IRAK3: variants seen among roughly 807,000 people sequenced by gnomAD.
IRAK3 encodes the protein interleukin-1 receptor-associated kinase 3.
In IRAK3, 57 loss-of-function variants were observed where a neutral mutation model predicts 56.6. The ratio of observed to expected loss-of-function variants is 1.01; its 90% CI spans 0.81 to 1.26. The LOEUF (loss-of-function observed/expected upper bound fraction) is 1.26, where lower values mean the gene tolerates loss of function less well. Among genes scored for constraint, IRAK3 ranks in the 50% most tolerant of loss-of-function variants. IRAK3 has a pLI of 0.00. For synonymous variants in IRAK3, 258 were observed against 255.7 expected, an observed-to-expected ratio of 1.01 and a Z score of -0.09; for missense variants, 703 against 719.0, an observed-to-expected ratio of 0.98 and a Z score of 0.25.
At chr12:66,197,701 G>T (rs12318720) in intron 1 of IRAK3, 2 of 985,368 alleles carry the variant, frequency 2.0e-6, no homozygotes, top group Non-Finnish European at 2.4e-6. Flanking sequence ...GCTTTCCTTA[G>T]ATGTGATGCA....
intron 8 of IRAK3, among the ~76,000 whole-genome samples, chr12:66,237,432 A>AAAAAAG (rs1383810617): frequency 1.4e-4 from 22 of 152,282 alleles, no homozygotes; most frequent in African/African-American, 5.1e-4. Flanking sequence ...TTATCTATAT[A>AAAAAAG]CAGCTAAAGA....
intron 6 of IRAK3, among the ~76,000 whole-genome samples, chr12:66,223,923 C>G (rs1276781429): frequency 6.6e-6 from 1 of 151,666 alleles, no homozygotes; most frequent in Non-Finnish European, 1.5e-5. Context: ...TTCATGGTTT[C>G]ATTTTTTACA....
intron 2 of IRAK3, among the ~76,000 whole-genome samples, chr12:66,205,695 T>C (rs1169819305): frequency 6.6e-6 from 1 of 152,222 alleles, no homozygotes; most frequent in Non-Finnish European, 1.5e-5. Flanking sequence ...TAATCAGTTA[T>C]TGCCCACCTT....
chr12:66,198,456 G>C (rs946691501), intron 1 of IRAK3, among the ~76,000 whole-genome samples: 8 of 152,054 alleles, frequency 5.3e-5, no homozygotes, highest in Non-Finnish European at 7.4e-5. Context: ...CTTTAGCCTA[G>C]TTAAACCTTA....
At chr12:66,233,623 CTAGT>C (rs2052869005) in intron 8 of IRAK3, among the ~76,000 whole-genome samples, 1 of 151,454 alleles carries the variant, frequency 6.6e-6, no homozygotes, top group Non-Finnish European at 1.5e-5. Context: ...TGAAGTCGGA[CTAGT>C]TAAACTTCAG....
At position 66,189,390 on chromosome 12, in the gene IRAK3, G is replaced by A; in HGVS notation, c.91G>A (p.Val31Ile). Residue 31 changes from valine to isoleucine, a missense_variant, in exon 1 of 12, where the codon GTT (valine) becomes ATT (isoleucine). By Grantham distance (29) the Val-to-Ile change is conservative. Transcript: ENST00000261233. ...CGCGCTGCTCGGAGAGCTCTGCGCT[G>A]TTCTGGACAGCTGCGACGGCGCGCT... Reference protein sequence around the residue: ...PPALLGELCAVLDSCDGALGW... With the variant: ...PPALLGELCAILDSCDGALGW... 6.7e-7 allele frequency: 1 copy of A among 1,496,346 alleles called. No homozygotes were observed. Among genetic ancestry groups the A allele is most frequent in the Non-Finnish European group, 8.9e-7 (1 of 1,126,454 alleles). 92.7% of individuals were successfully genotyped at this position (1,496,346 alleles called of 1,614,324 possible).
At chr12:66,226,169 A>T (rs1361006316) in intron 6 of IRAK3, among the ~76,000 whole-genome samples, 2 of 152,030 alleles carry the variant, frequency 1.3e-5, no homozygotes, top group Non-Finnish European at 2.9e-5. Flanking sequence ...TTTCTGCCTT[A>T]TATTTGGATG....
chr12:66,208,983 C>T (rs1441970698), intron 2 of IRAK3, among the ~76,000 whole-genome samples: 1 of 150,204 alleles, frequency 6.7e-6, no homozygotes, highest in Non-Finnish European at 1.5e-5. Context: ...AGGAGAATCA[C>T]TTGACATTCT....
chr12:66,227,502 C>G (rs1418699231), intron 7 of IRAK3, among the ~76,000 whole-genome samples: 1 of 152,140 alleles, frequency 6.6e-6, no homozygotes, highest in Non-Finnish European at 1.5e-5. Flanking sequence ...TCACTTGAAC[C>G]TTGGAGACGG....
rs1254271624 is a variant in IRAK3, at chr12:66,249,746, C to T, written c.*1575C>T. On this transcript the variant is annotated 3_prime_UTR_variant, in exon 12 of 12. Coordinates refer to ENST00000261233, the MANE Select transcript of IRAK3 (RefSeq NM_007199.3). ...GATCTCCCTCTCTCTGTCTGTCTCA[C>T]CGCATCTCTTCACTACCCTCTTCCT... 1.5e-4 allele frequency: 1 copy of T among 6,790 alleles called. No individual in the cohort carries two copies. The highest frequency in any genetic ancestry group is 1.6e-4 in the African/African-American group (1 of 6,340). 0.4% of individuals were successfully genotyped at this position (6,790 alleles called of 1,614,324 possible).
intron 1 of IRAK3, among the ~76,000 whole-genome samples, chr12:66,196,055 TTATG>T (rs565731972): frequency 3.8e-4 from 57 of 151,994 alleles, no homozygotes; most frequent in Non-Finnish European, 6.6e-4. Context: ...CTCACATACT[TTATG>T]TATGTAAGTA....
At chr12:66,245,779 G>T (rs188452148) in intron 11 of IRAK3, among the ~76,000 whole-genome samples, 1 of 151,968 alleles carries the variant, frequency 6.6e-6, no homozygotes, top group African/African-American at 2.4e-5. Flanking sequence ...TGATCCACCC[G>T]CCTTGGCCTC....
intron 2 of IRAK3, among the ~76,000 whole-genome samples, chr12:66,208,425 A>G (rs1189328946): frequency 2.0e-5 from 3 of 152,182 alleles, no homozygotes; most frequent in Non-Finnish European, 4.4e-5. Context: ...CCAGGAAGAT[A>G]TAATATCATA....
At chr12:66,230,251 G>A (rs551867828) in intron 8 of IRAK3, among the ~76,000 whole-genome samples, 17 of 152,308 alleles carry the variant, frequency 1.1e-4, no homozygotes, top group African/African-American at 4.1e-4. Context: ...CTGTTGGTTC[G>A]TGTCTTCAGG....
chr12:66,193,002 T>A (rs2052413486), intron 1 of IRAK3, among the ~76,000 whole-genome samples: 1 of 152,164 alleles, frequency 6.6e-6, no homozygotes. Flanking sequence ...TGTGTTTTTT[T>A]ATGTTATTAT....
chr12:66,200,639 T>C (rs1025530768), intron 1 of IRAK3, among the ~76,000 whole-genome samples: 75 of 152,300 alleles, frequency 4.9e-4, no homozygotes, highest in African/African-American at 1.6e-3. Flanking sequence ...GAGCATAAAG[T>C]TGAGGTAAAT....
chr12:66,189,525 G>C, intron 1 of IRAK3, 93 bp downstream of exon 1: 1 of 895,784 alleles, frequency 1.1e-6, no homozygotes, highest in Non-Finnish European at 1.4e-6. Flanking sequence ...GGTCCCTCGC[G>C]GGGCTGGCGC....
In IRAK3 at chr12:66,249,016, C is replaced by T. The variant is rs1036650412; in HGVS notation, c.*845C>T. The T allele has an allele frequency of 3.9e-5, 6 of 152,324 alleles. No homozygotes were observed. In the South Asian group the frequency reaches 8.3e-4, roughly 21 times the overall value. The allele number at this position is 152,324 out of a possible 1,614,324, so 9.4% of individuals were successfully genotyped here. ...CTCCCTCTTTTGAAATCCTACCAAT[C>T]ATCAGAGCTCTACAAAACAGCCACC... On this transcript the variant is annotated 3_prime_UTR_variant, in exon 12 of 12. Coordinates refer to ENST00000261233, the MANE Select transcript of IRAK3 (RefSeq NM_007199.3).
intron 6 of IRAK3, among the ~76,000 whole-genome samples, chr12:66,223,936 T>G (rs1385277417): frequency 1.3e-5 from 2 of 151,978 alleles, no homozygotes; most frequent in South Asian, 4.1e-4. Context: ...TTTTTACATT[T>G]ATTTGTCTGA....
Sources: allele counts gnomAD v4.1 joint callset (sites outside exome capture counted in the v4.1 genomes callset), GRCh38; gene constraint gnomAD v4.1.1; transcripts MANE v1.5; gene names NCBI Gene and HGNC (gene_info 2026-07-23, HGNC 2026-07-21).